Variants in NEB observed in about 807,000 individuals in gnomAD.
The protein encoded by NEB is nemaline myopathy type 2.
NEB carries 512 observed loss-of-function variants against 952.2 expected under a neutral mutation model. The ratio of observed to expected loss-of-function variants is 0.54; its 90% CI spans 0.50 to 0.58. The LOEUF is 0.58. Among genes scored for constraint, NEB ranks in the 20% least tolerant of loss-of-function variants. NEB has a pLI of 0.00. For synonymous variants in NEB, 2,900 were observed against 3,149.8 expected (o/e 0.92, Z 2.66); for missense variants, 8,428 against 9,231.1 (o/e 0.91, Z 3.56).
intron 173 of NEB, among the ~76,000 whole-genome samples, chr2:151,495,912 T>C (rs754699796): frequency 3.3e-5 from 5 of 152,108 alleles, no homozygotes; most frequent in Non-Finnish European, 2.9e-5. Context: ...AAAATCATAT[T>C]TAAGAAAGAG....
At chr2:151,698,015 G>C (rs902669058) in intron 13 of NEB, among the ~76,000 whole-genome samples, 11 of 152,178 alleles carry the variant, frequency 7.2e-5, no homozygotes, top group African/African-American at 2.7e-4. Context: ...GCAGTGAGCC[G>C]AGATGGCGCC....
At position 151,490,084 on chromosome 2, in the gene NEB, AAAAG is replaced by A. The variant is rs1247176534; in HGVS notation, c.25298-11_25298-8del. 1 of 1,589,988 alleles carries A rather than the reference AAAAG, an allele frequency of 6.3e-7. No homozygotes were observed. Among genetic ancestry groups the A allele is most frequent in the Non-Finnish European group, 8.6e-7 (1 of 1,163,648 alleles). ...GTTTTTGCATGTTTGTAAGCTGAAA[AAAAG>A]GGGGCAAATTCTTTATAAGAAGAAA... On this transcript the variant is annotated splice_polypyrimidine_tract_variant and splice_region_variant and intron_variant, in intron 180 of 181. Transcript: ENST00000397345.
chr2:151,671,627 C>T (rs528519313), intron 37 of NEB, among the ~76,000 whole-genome samples: 1 of 152,268 alleles, frequency 6.6e-6, no homozygotes, highest in Non-Finnish European at 1.5e-5. Flanking sequence ...ATCCAGGTCA[C>T]TATGGGTGCT....
At chr2:151,610,247 T>C (rs921529437) in intron 80 of NEB, 127 bp from the exon 81 acceptor site, 10 of 797,036 alleles carry the variant, frequency 1.3e-5, no homozygotes, top group Non-Finnish European at 1.9e-5. Context: ...TGAACTATTA[T>C]ATTTAAAAGC....
At chr2:151,639,055 G>A (rs1021086941) in intron 63 of NEB, among the ~76,000 whole-genome samples, 2 of 152,122 alleles carry the variant, frequency 1.3e-5, no homozygotes, top group Non-Finnish European at 2.9e-5. Flanking sequence ...ATAATCTCAT[G>A]GTTACAGCTT....
intron 71 of NEB, among the ~76,000 whole-genome samples, chr2:151,624,147 T>C (rs1295498010): frequency 2.6e-5 from 4 of 152,196 alleles, no homozygotes; most frequent in African/African-American, 7.2e-5. Context: ...TCAACATCAT[T>C]ATGCAATTTT....
intron 125 of NEB, among the ~76,000 whole-genome samples, 153 bp from the exon 126 acceptor site, chr2:151,554,178 G>A (rs1003663882): frequency 1.3e-5 from 2 of 152,126 alleles, no homozygotes; most frequent in Non-Finnish European, 2.9e-5. Context: ...TTAACACCAA[G>A]GGAAATTTTT....
chr2:151,552,348 C>G (rs957236348), intron 128 of NEB, among the ~76,000 whole-genome samples: 3 of 152,158 alleles, frequency 2.0e-5, no homozygotes, highest in African/African-American at 4.8e-5. Flanking sequence ...CTTATTCTAC[C>G]ATAGCTGGTT....
intron 70 of NEB, among the ~76,000 whole-genome samples, chr2:151,626,356 C>T (rs2098524961): frequency 1.3e-5 from 2 of 152,132 alleles, no homozygotes; most frequent in African/African-American, 4.8e-5. Flanking sequence ...CTCAAGTGAT[C>T]TGCCCACCTC....
chr2:151,654,656 C>G (rs2099067698), intron 51 of NEB, among the ~76,000 whole-genome samples: 1 of 152,144 alleles, frequency 6.6e-6, no homozygotes, highest in South Asian at 2.1e-4. Context: ...GGGCCAGGTA[C>G]TGTATTGAGA....
At chr2:151,547,857 A>G (rs2094901773) in intron 131 of NEB, 119 bp from the exon 132 acceptor site, 1 of 692,204 alleles carries the variant, frequency 1.4e-6, no homozygotes, top group Non-Finnish European at 2.4e-6. Flanking sequence ...GAGGATATAG[A>G]AAATGATTGA....
intron 163 of NEB, 102 bp from the exon 164 acceptor site, chr2:151,506,360 T>TA (rs1448486823): frequency 3.5e-6 from 3 of 851,418 alleles, no homozygotes; most frequent in Non-Finnish European, 5.7e-6. Flanking sequence ...AACAAGACAC[T>TA]AGACGATGTT....
At position 151,627,167 on chromosome 2, in the gene NEB, A is replaced by G; in HGVS notation, c.10182T>C (p.Ile3394=). ...YKSDLQWLRG[I]GWVPIGSMDV... is the part of the protein sequence containing the mutation. ...CCATAGACCCAATGGGGACCCAGCC[A>G]ATGCCTCTCAGCCACTGGAGATCAG... Residue 3394 remains isoleucine (I), a synonymous_variant, in exon 70 of 182, where the codon ATT becomes ATC. Coordinates refer to ENST00000397345, the MANE Select transcript of NEB (RefSeq NM_001164508.2). The G allele has an allele frequency of 6.2e-7, 1 of 1,613,980 alleles. No individual in the cohort carries two copies. The highest frequency in any genetic ancestry group is 1.1e-5 in the South Asian group (1 of 91,080).
chr2:151,496,411 A>G (rs1273723665), intron 172 of NEB, 43 bp from the exon 173 acceptor site: 4 of 1,564,630 alleles, frequency 2.6e-6, no homozygotes, highest in Non-Finnish European at 3.5e-6. Flanking sequence ...CATGAGTAAC[A>G]TTTCATTTGT....
In NEB at chr2:151,631,271, A is replaced by G. The variant is rs1292713138; in HGVS notation, c.9490T>C (p.Cys3164Arg). The G allele has an allele frequency of 6.2e-7, 1 of 1,613,922 alleles. No individual in the cohort carries two copies. The highest frequency in any genetic ancestry group is 8.5e-7 in the Non-Finnish European group (1 of 1,179,856). The change falls in exon 66 of 182, where the codon TGC becomes CGC. Residue 3164 changes from cysteine (C) to arginine (R), a missense_variant. Cys to Arg is a radical substitution (Grantham distance 180). Around this residue, in one of 11 missense-constraint regions of NEB, gnomAD observed 1,772 missense variants for 1,960.3 expected, o/e 0.90. Coordinates refer to ENST00000397345, the MANE Select transcript of NEB (RefSeq NM_001164508.2). ...VPIGSMDVVK[C>R]KRATEILSDN... is the part of the protein sequence containing the mutation. ...CTCAGTATTTCGGTAGCTCTCTTGC[A>G]CTTGACCACATCCATAGACCCAATG...
In NEB at chr2:151,653,446, C is replaced by G. The variant is rs531172776; in HGVS notation, c.6915+546G>C. ...ATCTATGAACTTTAGATTGGATTTT[C>G]AGAAAGAAGAGTTAAGTAAGCCCTT... On this transcript the variant is annotated intron_variant, in intron 52 of 181. Transcript: ENST00000397345. 3.3e-5 allele frequency among the ~76,000 whole-genome samples: 5 copies of G among 152,234 alleles called. No individual in the cohort carries two copies. The South Asian group carries it at 1.0e-3, about 32-fold the overall frequency.
At chr2:151,669,200 T>G in intron 38 of NEB, 69 bp from the exon 39 acceptor site, 2 of 1,117,246 alleles carry the variant, frequency 1.8e-6, no homozygotes. Flanking sequence ...AAGCAGAGAC[T>G]CCTTTAAAAC....
At chr2:151,615,939 C>G in intron 76 of NEB, 63 bp downstream of exon 76, 13 of 1,280,406 alleles carry the variant, frequency 1.0e-5, no homozygotes, top group Non-Finnish European at 1.4e-5. Context: ...AAGAAAAACT[C>G]TAAAAGCTTC....
Position 151,722,198 on chromosome 2 carries a change from G to A in NEB, c.717+1184C>T, listed in dbSNP as rs113747416. On this transcript the variant is annotated intron_variant, in intron 9 of 181. Transcript: ENST00000397345. ...ACAATTGAATGTCAAATAACTTGTC[G>A]CTTTATAATACAGTGCTCTGCTGAA... Among the ~76,000 whole-genome samples the A allele has an allele frequency of 3.9e-3, 588 of 152,228 alleles. 4 individuals carry two copies. The highest frequency in any genetic ancestry group is 0.013 in the African/African-American group (536 of 41,530).
Sources: allele counts gnomAD v4.1 joint callset (sites outside exome capture counted in the v4.1 genomes callset), GRCh38; gene constraint gnomAD v4.1.1; regional missense constraint gnomAD v4.1.1; transcripts MANE v1.5; gene names NCBI Gene and HGNC (gene_info 2026-07-23, HGNC 2026-07-21).